The following NHEJ1 variants were observed in gnomAD, a reference collection of about 807,000 sequenced individuals.
NHEJ1 encodes the protein non-homologous end joining factor 1, also known as non-homologous end-joining factor 1.
Under a neutral mutation model 39.4 loss-of-function variants are expected in NHEJ1, and 22 were observed. The observed-to-expected ratio is 0.56, with a 90% confidence interval of 0.40 to 0.80. NHEJ1 has a LOEUF of 0.80. NHEJ1 is among the 30% of genes least tolerant of loss of function. The probability of loss-of-function intolerance (pLI) is 0.00; values close to 1 mark genes in which losing one functional copy is unlikely to be tolerated. For synonymous variants in NHEJ1, 154 were observed against 135.6 expected, an observed-to-expected ratio of 1.14 and a Z score of -0.94; for missense variants, 329 against 357.1, an observed-to-expected ratio of 0.92 and a Z score of 0.63.
At chr2:219,104,708 C>A (rs79011376) in intron 5 of NHEJ1, among the ~76,000 whole-genome samples, 2,948 of 148,724 alleles carry the variant, frequency 0.02, 109 homozygotes, top group African/African-American at 0.07. Context: ...GGCACCCCCC[C>A]ACACACACAA....
chr2:219,114,308 G>C (rs1054114323), intron 5 of NHEJ1, among the ~76,000 whole-genome samples: 1 of 152,184 alleles, frequency 6.6e-6, no homozygotes, highest in African/African-American at 2.4e-5. Flanking sequence ...CAACCCCACA[G>C]AGGATTTCTA....
At chr2:219,146,497 GT>G (rs1949742454) in intron 5 of NHEJ1, among the ~76,000 whole-genome samples, 182 bp downstream of exon 5, 1 of 152,046 alleles carries the variant, frequency 6.6e-6, no homozygotes, top group African/African-American at 2.4e-5. Context: ...TTCTTTCCCC[GT>G]TTTTTCCCTC....
At chr2:219,149,173 C>T (rs1464084917) in intron 3 of NHEJ1, among the ~76,000 whole-genome samples, 1 of 152,112 alleles carries the variant, frequency 6.6e-6, no homozygotes, top group East Asian at 1.9e-4. Flanking sequence ...CGTGAGCCAC[C>T]GTGCCCAGCC....
chr2:219,114,222 T>A (rs2106341055), intron 5 of NHEJ1, among the ~76,000 whole-genome samples: 1 of 152,316 alleles, frequency 6.6e-6, no homozygotes, highest in East Asian at 1.9e-4. Flanking sequence ...CACCCATAGC[T>A]CCATCTGTGA....
chr2:219,088,812 T>TTTTG (rs1223803449), intron 5 of NHEJ1, among the ~76,000 whole-genome samples: 5 of 152,318 alleles, frequency 3.3e-5, no homozygotes, highest in East Asian at 3.9e-4. Context: ...TTCAGCTTTT[T>TTTTG]TTTGTTTGTT....
chr2:219,099,802 G>C (rs116673701), intron 5 of NHEJ1, among the ~76,000 whole-genome samples: 2,947 of 151,054 alleles, frequency 0.02, 109 homozygotes, highest in African/African-American at 0.069. Context: ...GGGAAGGCCA[G>C]GTTTCTCATC....
At chr2:219,080,066 G>A (rs879404621) in intron 5 of NHEJ1, among the ~76,000 whole-genome samples, 2 of 152,084 alleles carry the variant, frequency 1.3e-5, no homozygotes, top group African/African-American at 2.4e-5. Context: ...ACCTCAAAAC[G>A]AAGTGCTAGA....
At chr2:219,142,458 A>T (rs1949700654) in intron 5 of NHEJ1, among the ~76,000 whole-genome samples, 1 of 152,126 alleles carries the variant, frequency 6.6e-6, no homozygotes. Flanking sequence ...ACCCATGCAA[A>T]CTGCCTGTGG....
At chr2:219,152,955 AC>A (rs1949812040) in intron 3 of NHEJ1, among the ~76,000 whole-genome samples, 1 of 151,940 alleles carries the variant, frequency 6.6e-6, no homozygotes, top group Non-Finnish European at 1.5e-5. Flanking sequence ...GGCATGCACC[AC>A]CATGCCCGGC....
intron 5 of NHEJ1, among the ~76,000 whole-genome samples, chr2:219,081,624 A>G (rs1199422596): frequency 6.6e-6 from 1 of 152,228 alleles, no homozygotes; most frequent in East Asian, 1.9e-4. Context: ...TAATACAAAG[A>G]TAGTAACTCA....
intron 6 of NHEJ1, 97 bp downstream of exon 6, chr2:219,077,992 A>ATTTATATATATATATAT: frequency 1.2e-6 from 1 of 849,940 alleles, no homozygotes; most frequent in Non-Finnish European, 2.0e-6. Flanking sequence ...TTTAAACTTA[A>ATTTATATATATATATAT]ATAGTTATAT....
intron 5 of NHEJ1, among the ~76,000 whole-genome samples, chr2:219,109,253 T>C (rs532634657): frequency 6.6e-6 from 1 of 152,318 alleles, no homozygotes; most frequent in South Asian, 2.1e-4. Context: ...TTCTGGTTAT[T>C]GGAGCCAGAA....
At chr2:219,089,510 G>A (rs1205096977) in intron 5 of NHEJ1, among the ~76,000 whole-genome samples, 4 of 152,204 alleles carry the variant, frequency 2.6e-5, no homozygotes, top group Non-Finnish European at 4.4e-5. Context: ...GTATGATTCC[G>A]TTTGTATGAA....
At chr2:219,159,884 C>T (rs532046243) in intron 1 of NHEJ1, among the ~76,000 whole-genome samples, 29 of 152,060 alleles carry the variant, frequency 1.9e-4, no homozygotes, top group Non-Finnish European at 3.7e-4. Flanking sequence ...TCGGAAAGCC[C>T]GGAAGCTCAG....
chr2:219,080,658 T>C (rs984077352), intron 5 of NHEJ1, among the ~76,000 whole-genome samples: 1 of 100,524 alleles, frequency 9.9e-6, no homozygotes, highest in Non-Finnish European at 2.0e-5. Flanking sequence ...TATGCTAATA[T>C]ATATAAGCTT....
intron 5 of NHEJ1, among the ~76,000 whole-genome samples, chr2:219,145,553 C>T (rs1305871061): frequency 1.3e-5 from 2 of 152,154 alleles, no homozygotes; most frequent in African/African-American, 2.4e-5. Context: ...TAAAGAAATA[C>T]AAATAATCTA....
intron 5 of NHEJ1, among the ~76,000 whole-genome samples, chr2:219,109,031 A>G (rs572168615): frequency 6.6e-6 from 1 of 152,384 alleles, no homozygotes; most frequent in South Asian, 2.1e-4. Flanking sequence ...TAGAGATGAA[A>G]GAAGAGTTAA....
At chr2:219,142,194 G>A (rs1156512353) in intron 5 of NHEJ1, among the ~76,000 whole-genome samples, 1 of 149,072 alleles carries the variant, frequency 6.7e-6, no homozygotes, top group Non-Finnish European at 1.5e-5. Context: ...GAATGCAGCA[G>A]TAAGAACGAC....
intron 5 of NHEJ1, among the ~76,000 whole-genome samples, chr2:219,137,592 AC>A (rs869188358): frequency 0.024 from 2,889 of 120,610 alleles, 150 homozygotes; most frequent in African/African-American, 0.071. Flanking sequence ...AAAAAAAAAA[AC>A]AAAAAAAACT....
Sources: gnomAD v4.1 joint callset for allele counts (sites outside exome capture counted in the v4.1 genomes callset) on GRCh38, gnomAD v4.1.1 for gene constraint, MANE v1.5 for transcripts, NCBI Gene and HGNC (gene_info 2026-07-23, HGNC 2026-07-21) for gene names.